LTBP1: variants seen among roughly 807,000 people sequenced by gnomAD.
The protein encoded by LTBP1 is latent-transforming growth factor beta-binding protein 1.
In LTBP1, 129 loss-of-function variants were observed where a neutral mutation model predicts 207.6. The ratio of observed to expected loss-of-function variants is 0.62; its 90% CI spans 0.54 to 0.72. LTBP1 has a LOEUF of 0.72. Among genes scored for constraint, LTBP1 ranks in the 30% least tolerant of loss-of-function variants. The pLI, the probability that LTBP1 is intolerant of heterozygous loss-of-function variation, is 0.00. For synonymous variants in LTBP1, 963 were observed against 833.7 expected (o/e 1.16, Z -2.67); for missense variants, 2,281 against 2,217.2 (o/e 1.03, Z -0.58).
intron 20 of LTBP1, among the ~76,000 whole-genome samples, chr2:33,295,774 A>G (rs571979210): frequency 7.9e-5 from 12 of 152,204 alleles, no homozygotes; most frequent in African/African-American, 2.9e-4. Flanking sequence ...AAGTGTCTTG[A>G]TGTAAGTGAA....
intron 22 of LTBP1, among the ~76,000 whole-genome samples, chr2:33,308,993 C>T (rs772446897): frequency 2.6e-5 from 4 of 151,898 alleles, no homozygotes; most frequent in Admixed American, 1.3e-4. Context: ...TTAAAAGTTC[C>T]ATTTCTTGGC....
intron 3 of LTBP1, among the ~76,000 whole-genome samples, chr2:33,071,206 TTGGGTA>T (rs1203835315): frequency 2.0e-5 from 3 of 152,160 alleles, no homozygotes; most frequent in Non-Finnish European, 4.4e-5. Flanking sequence ...TCACGTGGCT[TTGGGTA>T]GGTCTTGGTT....
At chr2:33,392,180 A>G (rs77187072) in intron 32 of LTBP1, among the ~76,000 whole-genome samples, 9,902 of 106,182 alleles carry the variant, frequency 0.093, 499 homozygotes, top group Admixed American at 0.23. Context: ...AGGGCCAGGT[A>G]GTATTTTTTT....
intron 15 of LTBP1, among the ~76,000 whole-genome samples, chr2:33,267,672 A>G (rs1823834): frequency 0.2 from 29,992 of 152,172 alleles, 3,446 homozygotes; most frequent in East Asian, 0.51. Context: ...CTGCATTTCA[A>G]TTTTTTCAAT....
At chr2:33,023,877 T>C (rs1247155150) in intron 3 of LTBP1, among the ~76,000 whole-genome samples, 1 of 152,226 alleles carries the variant, frequency 6.6e-6, no homozygotes, top group Non-Finnish European at 1.5e-5. Flanking sequence ...TTGGCTACTT[T>C]TGAGAAATGT....
intron 10 of LTBP1, among the ~76,000 whole-genome samples, chr2:33,251,782 G>A (rs1412730582): frequency 6.6e-6 from 1 of 152,056 alleles, no homozygotes; most frequent in Non-Finnish European, 1.5e-5. Flanking sequence ...TTTGGGGAAT[G>A]GGCGGCGGGG....
intron 2 of LTBP1, among the ~76,000 whole-genome samples, chr2:32,959,615 A>ATT (rs1232142524): frequency 0.01 from 387 of 37,562 alleles, 2 homozygotes; most frequent in Non-Finnish European, 0.014. Context: ...ATATATATAT[A>ATT]TATATATTTT....
intron 3 of LTBP1, among the ~76,000 whole-genome samples, chr2:33,093,335 C>A (rs930589115): frequency 6.6e-6 from 1 of 152,108 alleles, no homozygotes; most frequent in Non-Finnish European, 1.5e-5. Context: ...CCCCTGCTCT[C>A]CCTCCTATTC....
intron 5 of LTBP1, among the ~76,000 whole-genome samples, chr2:33,160,121 C>T (rs532295728): frequency 1.6e-4 from 24 of 152,132 alleles, no homozygotes; most frequent in African/African-American, 5.3e-4. Context: ...TCAAGTGGTC[C>T]GCCCACGTCG....
chr2:33,115,233 C>G (rs973401383), intron 4 of LTBP1, among the ~76,000 whole-genome samples: 3 of 151,994 alleles, frequency 2.0e-5, no homozygotes, highest in African/African-American at 7.3e-5. Flanking sequence ...GTGAAAGATT[C>G]CAGACACAAA....
chr2:33,302,997 ACACACG>A (rs2094017070), intron 22 of LTBP1, among the ~76,000 whole-genome samples: 1 of 151,670 alleles, frequency 6.6e-6, no homozygotes, highest in Admixed American at 6.6e-5. Flanking sequence ...ACACACACAA[ACACACG>A]CACACACACC....
intron 19 of LTBP1, among the ~76,000 whole-genome samples, chr2:33,281,300 C>T (rs1008077990): frequency 6.6e-6 from 1 of 152,066 alleles, no homozygotes; most frequent in Non-Finnish European, 1.5e-5. Context: ...GTAGAACGAG[C>T]TGCCCTTAGG....
At chr2:33,051,323 G>C (rs907384943) in intron 3 of LTBP1, among the ~76,000 whole-genome samples, 2 of 152,186 alleles carry the variant, frequency 1.3e-5, no homozygotes, top group Non-Finnish European at 2.9e-5. Context: ...AGACTGAAGT[G>C]GGGGGATTAC....
intron 13 of LTBP1, 87 bp downstream of exon 13, chr2:33,259,697 A>G (rs949447682): frequency 4.8e-6 from 6 of 1,240,098 alleles, no homozygotes; most frequent in African/African-American, 4.5e-5. Flanking sequence ...TTAGACTTAA[A>G]TATAGTAACA....
chr2:33,204,199 A>T (rs561960253), intron 7 of LTBP1, among the ~76,000 whole-genome samples: 11 of 152,092 alleles, frequency 7.2e-5, no homozygotes, highest in African/African-American at 2.4e-4. Context: ...TTCCTTTCTC[A>T]TCCTTCCATT....
intron 15 of LTBP1, among the ~76,000 whole-genome samples, chr2:33,270,934 G>A (rs571215698): frequency 4.6e-5 from 7 of 152,262 alleles, no homozygotes; most frequent in African/African-American, 1.7e-4. Context: ...TAAGATATTG[G>A]ATTGGTGGGA....
chr2:33,006,694 A>G (rs1488757285), intron 2 of LTBP1, among the ~76,000 whole-genome samples: 1 of 151,762 alleles, frequency 6.6e-6, no homozygotes, highest in East Asian at 1.9e-4. Flanking sequence ...GAGAAAACCT[A>G]CTGAACATTT....
intron 32 of LTBP1, among the ~76,000 whole-genome samples, chr2:33,393,656 G>T (rs1419712756): frequency 6.6e-6 from 1 of 152,140 alleles, no homozygotes; most frequent in South Asian, 2.1e-4. Context: ...ATTCCATGGT[G>T]TATATGTGCC....
At chr2:33,358,761 A>G (rs1380202553) in intron 26 of LTBP1, among the ~76,000 whole-genome samples, 1 of 152,212 alleles carries the variant, frequency 6.6e-6, no homozygotes, top group Admixed American at 6.5e-5. Context: ...AACTGGTAGT[A>G]GTAACAGGCT....
Sources: gnomAD v4.1 joint callset for allele counts (sites outside exome capture counted in the v4.1 genomes callset) on GRCh38, gnomAD v4.1.1 for gene constraint, MANE v1.5 for transcripts, NCBI Gene and HGNC (gene_info 2026-07-23, HGNC 2026-07-21) for gene names.